SLC2A9: variants seen among roughly 807,000 people sequenced by gnomAD.
SLC2A9 encodes the protein solute carrier family 2 member 9.
In SLC2A9, 39 loss-of-function variants were observed where a neutral mutation model predicts 50.6. The observed-to-expected ratio is 0.77, with a 90% CI of 0.60 to 1.01. The LOEUF (loss-of-function observed/expected upper bound fraction) is 1.01. Among genes scored for constraint, SLC2A9 ranks in the 50% least tolerant of loss-of-function variants. The probability of loss-of-function intolerance (pLI) is 0.00; values close to 1 mark genes in which losing one functional copy is unlikely to be tolerated. For missense variants in SLC2A9, 686 were observed against 677.6 expected, an observed-to-expected ratio of 1.01 and a Z score of -0.14; for synonymous variants, 324 against 276.9, an observed-to-expected ratio of 1.17 and a Z score of -1.69.
At position 9,771,877 on chromosome 4, in the gene SLC2A9, G is replaced by C. The variant is rs138277108; in HGVS notation, n.182-508C>G. Among the ~76,000 whole-genome samples, 12 of 152,194 alleles carry C rather than the reference G, an allele frequency of 7.9e-5. No homozygotes were observed. The East Asian group carries it at 2.3e-3, about 29-fold the overall frequency. On this transcript the variant is annotated intron_variant and non_coding_transcript_variant, in intron 1 of 1. Coordinates refer to the SLC2A9 transcript ENST00000508585. The stretch of plus-strand genomic sequence containing the variant: ...ATTTCAGACAGGGGCAAGTGCAAAG[G>C]CACAGGGCCTGAAAGAACTAGGCTG...
chr4:9,857,944 C>T (rs1193347668), intron 10 of SLC2A9, among the ~76,000 whole-genome samples: 1 of 152,214 alleles, frequency 6.6e-6, no homozygotes, highest in Non-Finnish European at 1.5e-5. Context: ...ATCTACACTG[C>T]CACGGTACCT....
At chr4:10,016,440 T>C (rs1762621220) in intron 2 of SLC2A9, among the ~76,000 whole-genome samples, 1 of 152,162 alleles carries the variant, frequency 6.6e-6, no homozygotes, top group African/African-American at 2.4e-5. Context: ...GCATGAAAAG[T>C]ACATGGAGGA....
intron 10 of SLC2A9, among the ~76,000 whole-genome samples, chr4:9,868,541 T>C (rs1732879600): frequency 1.3e-5 from 2 of 152,204 alleles, no homozygotes; most frequent in South Asian, 2.1e-4. Context: ...TGCACCTTCA[T>C]AAAATGGCAT....
chr4:9,822,106 T>C (rs1185478962), downstream of SLC2A9, among the ~76,000 whole-genome samples: 1 of 152,170 alleles, frequency 6.6e-6, no homozygotes, highest in East Asian at 1.9e-4. Flanking sequence ...GCAAGTTGTG[T>C]CCTATCTCTC....
upstream of SLC2A9, among the ~76,000 whole-genome samples, chr4:10,024,697 G>A (rs2109579311): frequency 6.6e-6 from 1 of 152,286 alleles, no homozygotes; most frequent in South Asian, 2.1e-4. Flanking sequence ...GCCTGGCTCA[G>A]GGACAGGGTC....
intron 7 of SLC2A9, among the ~76,000 whole-genome samples, chr4:9,919,511 G>T (rs1475518739): frequency 6.6e-6 from 1 of 152,100 alleles, no homozygotes; most frequent in Non-Finnish European, 1.5e-5. Flanking sequence ...TGCCCGCCTT[G>T]GGGGGTGCTG....
chr4:9,950,237 G>A (rs1296159907), intron 5 of SLC2A9, among the ~76,000 whole-genome samples: 1 of 152,152 alleles, frequency 6.6e-6, no homozygotes, highest in Admixed American at 6.5e-5. Context: ...ACAATAACAG[G>A]TATCTCAAGA....
chr4:9,835,157 G>A, intron 10 of SLC2A9, 149 bp from the exon 11 acceptor site: 1 of 1,043,792 alleles, frequency 9.6e-7, no homozygotes, highest in Non-Finnish European at 1.4e-6. Flanking sequence ...TCGCCCTGGT[G>A]GCATTGCAGT....
chr4:10,031,827 A>G (rs976285225), intron 1 of SLC2A9, among the ~76,000 whole-genome samples: 2 of 152,178 alleles, frequency 1.3e-5, no homozygotes, highest in African/African-American at 2.4e-5. Context: ...AGCACTGTAA[A>G]TACTGTGCTG....
intron 3 of SLC2A9, among the ~76,000 whole-genome samples, chr4:9,816,079 A>AG (rs1577372102): frequency 1.3e-5 from 2 of 152,150 alleles, no homozygotes; most frequent in East Asian, 3.9e-4. Context: ...CTGAGGCAGA[A>AG]GGATCACTTG....
At chr4:9,771,828 C>A (rs562872842) in intron 1 of SLC2A9, among the ~76,000 whole-genome samples, 1 of 152,116 alleles carries the variant, frequency 6.6e-6, no homozygotes, top group Non-Finnish European at 1.5e-5. Flanking sequence ...GCACTCACCC[C>A]CTTCAAGAAG....
chr4:9,841,193 T>C (rs1225063371), intron 10 of SLC2A9, among the ~76,000 whole-genome samples: 5 of 152,214 alleles, frequency 3.3e-5, no homozygotes, highest in African/African-American at 1.2e-4. Context: ...TTACTTCTTA[T>C]GTTATACCTT....
At chr4:9,776,067 C>T (rs534252814), downstream of SLC2A9, among the ~76,000 whole-genome samples, 1 of 152,140 alleles carries the variant, frequency 6.6e-6, no homozygotes, top group African/African-American at 2.4e-5. Flanking sequence ...AGCAAGGGAA[C>T]CCGAGGGAAG....
chr4:9,928,119 A>C (rs952208102), intron 6 of SLC2A9, among the ~76,000 whole-genome samples: 3 of 152,200 alleles, frequency 2.0e-5, no homozygotes, highest in African/African-American at 7.2e-5. Flanking sequence ...TCAAGAAAAA[A>C]AACAAAACAA....
downstream of SLC2A9, among the ~76,000 whole-genome samples, chr4:9,778,411 C>T (rs1376518948): frequency 6.6e-6 from 1 of 152,150 alleles, no homozygotes; most frequent in Admixed American, 6.5e-5. Flanking sequence ...TGGGCCACCG[C>T]ACCCGGCCCT....
chr4:9,826,573 C>T lies in SLC2A9; in HGVS notation c.1447G>A (p.Val483Ile). The T allele has an allele frequency of 1.2e-6, 2 of 1,614,010 alleles. No individual in the cohort carries two copies. The highest frequency in any genetic ancestry group is 4.5e-5 in the East Asian group (2 of 44,872). The change falls in exon 12 of 12, where the codon GTC becomes ATC. Residue 483 changes from valine (V) to isoleucine (I), a missense_variant. Val to Ile is a conservative substitution (Grantham distance 29). Transcript: ENST00000264784. ...CCTGTGATACAAATTGTAGCAAAGA[C>T]TAGGAAACAGTAGGTGTCCAGACTT... ...QKSLDTYCFL[V>I]FATICITGAI...
At chr4:10,002,406 C>T (rs1016796798) in intron 2 of SLC2A9, among the ~76,000 whole-genome samples, 1 of 152,214 alleles carries the variant, frequency 6.6e-6, no homozygotes, top group African/African-American at 2.4e-5. Flanking sequence ...ATAACCTGCC[C>T]ACAGTCACGG....
chr4:9,912,240 T>C (rs1343984285), intron 7 of SLC2A9, among the ~76,000 whole-genome samples: 2 of 151,882 alleles, frequency 1.3e-5, no homozygotes, highest in East Asian at 1.9e-4. Flanking sequence ...TGTATACATA[T>C]GTAACAAACC....
chr4:9,927,900 A>G (rs1745197448), intron 6 of SLC2A9, among the ~76,000 whole-genome samples: 1 of 152,194 alleles, frequency 6.6e-6, no homozygotes. Context: ...GCAATTTACC[A>G]GTTAGCAGAT....
Sources: gnomAD v4.1 joint callset for allele counts (sites outside exome capture counted in the v4.1 genomes callset) on GRCh38, gnomAD v4.1.1 for gene constraint, MANE v1.5 for transcripts, NCBI Gene and HGNC (gene_info 2026-07-23, HGNC 2026-07-21) for gene names.